The following TMEM132D variants were observed in gnomAD, a reference collection of about 807,000 sequenced individuals.
TMEM132D encodes the protein mature OL transmembrane protein.
Under a neutral mutation model 62.3 loss-of-function variants are expected in TMEM132D, and 21 were observed. That is an observed-to-expected ratio of 0.34 (90% CI 0.24 to 0.49). The LOEUF (loss-of-function observed/expected upper bound fraction) is 0.49. Ranked by LOEUF, TMEM132D falls within the 20% of genes least tolerant of loss-of-function variation. TMEM132D has a pLI of 0.99. For missense variants in TMEM132D, 1,346 were observed against 1,402.8 expected, an observed-to-expected ratio of 0.96 and a Z score of 0.65; for synonymous variants, 621 against 575.6, an observed-to-expected ratio of 1.08 and a Z score of -1.13.
intron 1 of TMEM132D, among the ~76,000 whole-genome samples, chr12:129,775,508 G>C (rs923011559): frequency 6.6e-6 from 1 of 152,168 alleles, no homozygotes; most frequent in Non-Finnish European, 1.5e-5. Context: ...AGTTTTCGAG[G>C]CTGTCACGTT....
At chr12:129,390,910 T>G (rs1312548932) in intron 3 of TMEM132D, among the ~76,000 whole-genome samples, 2 of 152,230 alleles carry the variant, frequency 1.3e-5, no homozygotes, top group African/African-American at 4.8e-5. Flanking sequence ...TTAGTTTATT[T>G]GTAAAATATT....
chr12:129,405,228 G>C, intron 3 of TMEM132D, among the ~76,000 whole-genome samples: 1 of 151,996 alleles, frequency 6.6e-6, no homozygotes, highest in African/African-American at 2.4e-5. Flanking sequence ...CTCTCTTACT[G>C]GCCTGCGGAC....
In TMEM132D at chr12:129,903,080, C is replaced by T. The variant is rs938192994; in HGVS notation, c.79+181G>A. On this transcript the variant is annotated intron_variant, in intron 1 of 8. Transcript: ENST00000422113. This position sits in a 1 kb window ranked among gnomAD's most constrained non-coding sequence, Gnocchi z 6.2. ...CAAGCACCTTCGGCCAAGGGGCGTCCGAGGAGCTTGGCTGCCGCACGAGCG... is the reference window on the plus strand; with the variant it reads ...CAAGCACCTTCGGCCAAGGGGCGTCTGAGGAGCTTGGCTGCCGCACGAGCG... 1.3e-5 allele frequency among the ~76,000 whole-genome samples: 2 copies of T among 152,220 alleles called. No homozygotes were observed. Among genetic ancestry groups the T allele is most frequent in the African/African-American group, 4.8e-5 (2 of 41,466 alleles).
At chr12:129,632,356 T>A (rs1207308135) in intron 2 of TMEM132D, among the ~76,000 whole-genome samples, 3 of 152,140 alleles carry the variant, frequency 2.0e-5, no homozygotes, top group Non-Finnish European at 4.4e-5. Context: ...CTCTGAAACC[T>A]TTTTCGGCAG....
At chr12:129,290,686 G>A (rs968819763) in intron 4 of TMEM132D, among the ~76,000 whole-genome samples, 2 of 152,294 alleles carry the variant, frequency 1.3e-5, no homozygotes, top group East Asian at 3.9e-4. Context: ...CAGGATGTGG[G>A]TGGTAGCCTT....
chr12:129,081,726 T>G (rs915805960), intron 7 of TMEM132D, 33 bp downstream of exon 7: 1 of 1,540,096 alleles, frequency 6.5e-7, no homozygotes, highest in South Asian at 1.3e-5. Flanking sequence ...GACAGAGAGA[T>G]CTTGATTTGG....
chr12:129,464,080 C>A (rs1171407976), intron 3 of TMEM132D, among the ~76,000 whole-genome samples: 17 of 150,536 alleles, frequency 1.1e-4, no homozygotes, highest in Non-Finnish European at 2.1e-4. Context: ...AACTAGTTTA[C>A]AGTCCCACCA....
chr12:129,393,524 C>T lies in TMEM132D; in HGVS notation c.1116-55707G>A, dbSNP rs150610474. Among the ~76,000 whole-genome samples the T allele has an allele frequency of 1.2e-4, 18 of 152,276 alleles. No individual in the cohort carries two copies. In the East Asian group the frequency reaches 3.3e-3, roughly 28 times the overall value. On this transcript the variant is annotated intron_variant, in intron 3 of 8. Transcript: ENST00000422113. Reference sequence around the variant, plus strand: ...ACTTAACCCTCTTCAGTTTAGACAGCAACAGGCCAGTCTGTGACTTTCCTG... The same window carrying T: ...ACTTAACCCTCTTCAGTTTAGACAGTAACAGGCCAGTCTGTGACTTTCCTG...
chr12:129,813,461 G>T (rs890720157), intron 1 of TMEM132D, among the ~76,000 whole-genome samples: 6 of 151,614 alleles, frequency 4.0e-5, no homozygotes, highest in Admixed American at 2.6e-4. Context: ...AGGATGTGAA[G>T]AAAGATACAC....
intron 5 of TMEM132D, among the ~76,000 whole-genome samples, chr12:129,165,329 CT>C (rs1197362793): frequency 2.0e-5 from 3 of 152,108 alleles, no homozygotes; most frequent in African/African-American, 7.2e-5. Context: ...TCACTGGGCA[CT>C]CTTAAGATTT....
chr12:129,627,586 T>C (rs1879255310), intron 2 of TMEM132D, among the ~76,000 whole-genome samples: 1 of 151,938 alleles, frequency 6.6e-6, no homozygotes, highest in Non-Finnish European at 1.5e-5. Flanking sequence ...TTTTAGAGAA[T>C]AAAAACTAAC....
rs114246514 is a variant in TMEM132D at position 129,847,664 on chromosome 12, G to A, written c.79+55597C>T. Among the ~76,000 whole-genome samples, 8 of 152,174 alleles carry A rather than the reference G, an allele frequency of 5.3e-5. No individual in the cohort carries two copies. In the East Asian group the frequency reaches 5.8e-4, roughly 11 times the overall value. Reference sequence around the variant, plus strand: ...CCTCTAATCCAGGGGTGAGGTCTACGTCCTTGCTCTATGACCGCTTTGACC... The same window carrying A: ...CCTCTAATCCAGGGGTGAGGTCTACATCCTTGCTCTATGACCGCTTTGACC... On this transcript the variant is annotated intron_variant, in intron 1 of 8. Transcript: ENST00000422113.
rs368238196 is a variant in TMEM132D at position 129,117,353 on chromosome 12, AATG to A, written c.1444-32654_1444-32652del. On this transcript the variant is annotated intron_variant, in intron 5 of 8. Coordinates refer to ENST00000422113, the MANE Select transcript of TMEM132D (RefSeq NM_133448.3). ...TATTCTGCATTATATTATAATGGTAAATGCATGTCATTACGTATCAATCAAGAC... is the reference window on the plus strand; with the variant it reads ...TATTCTGCATTATATTATAATGGTAACATGTCATTACGTATCAATCAAGAC... 3.8e-3 allele frequency among the ~76,000 whole-genome samples: 574 copies of A among 152,202 alleles called. 3 individuals are homozygous for A. Among genetic ancestry groups the A allele is most frequent in the African/African-American group, 0.013 (552 of 41,522 alleles).
At chr12:129,675,724 G>A (rs1410744531) in intron 2 of TMEM132D, among the ~76,000 whole-genome samples, 1 of 152,134 alleles carries the variant, frequency 6.6e-6, no homozygotes, top group Non-Finnish European at 1.5e-5. Flanking sequence ...GGAGAAAGTA[G>A]TGGGTGGATT....
At chr12:129,505,246 GT>G (rs57697547) in intron 3 of TMEM132D, among the ~76,000 whole-genome samples, 67,110 of 144,344 alleles carry the variant, frequency 0.46, 15,938 homozygotes, top group African/African-American at 0.63. Context: ...CCAGGGTATA[GT>G]TTTTTTTTTT....
intron 3 of TMEM132D, among the ~76,000 whole-genome samples, chr12:129,486,492 C>A (rs1874582872): frequency 6.6e-6 from 1 of 152,064 alleles, no homozygotes; most frequent in Non-Finnish European, 1.5e-5. Context: ...ATACTATGAT[C>A]CCCATATAAA....
intron 2 of TMEM132D, among the ~76,000 whole-genome samples, chr12:129,685,819 C>G (rs563166474): frequency 6.6e-6 from 1 of 152,286 alleles, no homozygotes; most frequent in South Asian, 2.1e-4. Context: ...AGGAGCCCAC[C>G]TCTTGCATCA....
chr12:129,428,116 G>C (rs1048766078), intron 3 of TMEM132D, among the ~76,000 whole-genome samples: 2 of 152,142 alleles, frequency 1.3e-5, no homozygotes, highest in African/African-American at 4.8e-5. Context: ...AAAAACAAAA[G>C]AGAAAACCAG....
At chr12:129,318,513 T>C (rs1453070623) in intron 4 of TMEM132D, among the ~76,000 whole-genome samples, 4 of 152,180 alleles carry the variant, frequency 2.6e-5, no homozygotes, top group African/African-American at 9.6e-5. Context: ...GGGTCTCTCA[T>C]CCATGGATAA....
Sources: gnomAD v4.1 joint callset for allele counts (sites outside exome capture counted in the v4.1 genomes callset) on GRCh38, gnomAD v4.1.1 for gene constraint, Gnocchi (gnomAD v3.1) non-coding constraint, MANE v1.5 for transcripts, NCBI Gene and HGNC (gene_info 2026-07-23, HGNC 2026-07-21) for gene names.